The following FRY variants were observed in gnomAD, a reference collection of about 807,000 sequenced individuals.
FRY encodes FRY microtubule binding protein.
Under a neutral mutation model 348.4 loss-of-function variants are expected in FRY, and 128 were observed. The observed-to-expected ratio is 0.37, with a 90% CI of 0.32 to 0.43. The LOEUF is 0.43. FRY is among the 20% of genes least tolerant of loss of function. The probability of loss-of-function intolerance (pLI) is 1.00; values close to 1 mark genes in which losing one functional copy is unlikely to be tolerated. For synonymous variants in FRY, 1,370 were observed against 1,374.7 expected, an observed-to-expected ratio of 1.00 and a Z score of 0.08; for missense variants, 2,736 against 3,695.2, an observed-to-expected ratio of 0.74 and a Z score of 6.73.
chr13:32,180,092 T>A (rs1351281879), intron 23 of FRY, among the ~76,000 whole-genome samples: 2 of 152,234 alleles, frequency 1.3e-5, no homozygotes, highest in African/African-American at 4.8e-5. Flanking sequence ...TCAATCCCAG[T>A]TGGCCAGACT....
chr13:32,055,133 T>C (rs6561090), intron 1 of FRY, among the ~76,000 whole-genome samples: 2,095 of 152,202 alleles, frequency 0.014, 49 homozygotes, highest in African/African-American at 0.048. Context: ...TGAAGCCTCC[T>C]TCCTGGGTTT....
intron 55 of FRY, among the ~76,000 whole-genome samples, chr13:32,273,521 C>T (rs1888327002): frequency 6.6e-6 from 1 of 152,196 alleles, no homozygotes; most frequent in Non-Finnish European, 1.5e-5. Context: ...CGCGCCCGGC[C>T]TAACTGTTCT....
chr13:32,264,468 A>C (rs1358231441), intron 53 of FRY, among the ~76,000 whole-genome samples: 1 of 152,094 alleles, frequency 6.6e-6, no homozygotes, highest in African/African-American at 2.4e-5. Flanking sequence ...ATTCATATAC[A>C]CTTCTATTTT....
intron 17 of FRY, among the ~76,000 whole-genome samples, chr13:32,167,175 C>T (rs1881790717): frequency 6.6e-6 from 1 of 152,190 alleles, no homozygotes; most frequent in South Asian, 2.1e-4. Context: ...TGGCTTTCGT[C>T]CTTGGTGCTT....
chr13:32,072,175 T>G (rs1874702355), intron 1 of FRY, among the ~76,000 whole-genome samples: 1 of 152,194 alleles, frequency 6.6e-6, no homozygotes, highest in Non-Finnish European at 1.5e-5. Context: ...TGTAGGAGAA[T>G]TAAAGTGTAA....
chr13:32,284,646 A>G (rs1007611946), intron 58 of FRY, among the ~76,000 whole-genome samples: 1 of 152,252 alleles, frequency 6.6e-6, no homozygotes, highest in Non-Finnish European at 1.5e-5. Context: ...ATAGCCATCA[A>G]TGTGCCAGGC....
At chr13:32,073,851 C>T (rs776336743) in intron 1 of FRY, among the ~76,000 whole-genome samples, 7 of 152,130 alleles carry the variant, frequency 4.6e-5, no homozygotes, top group South Asian at 4.1e-4. Context: ...TATATGAGGA[C>T]GCTCATTTCA....
At chr13:32,182,780 A>G (rs185093164) in intron 23 of FRY, among the ~76,000 whole-genome samples, 197 bp from the exon 24 acceptor site, 17 of 152,350 alleles carry the variant, frequency 1.1e-4, no homozygotes, top group Non-Finnish European at 5.9e-5. Flanking sequence ...TGGAATTAAG[A>G]CCAGTAATAC....
Position 32,166,106 on chromosome 13 carries a change from G to C in FRY, c.1892+4855G>C, listed in dbSNP as rs569844635. 1.2e-4 allele frequency among the ~76,000 whole-genome samples: 18 copies of C among 152,310 alleles called. 1 individual carries two copies. The East Asian group carries it at 3.3e-3, about 28-fold the overall frequency. ...GCTCCTGATCCCAGCTGCCTGGGAG[G>C]GGCAGCTGCAACTGGTATTGGCAAC... On this transcript the variant is annotated intron_variant, in intron 17 of 60. Transcript: ENST00000542859.
chr13:32,268,534 A>G (rs1319850588), intron 55 of FRY, among the ~76,000 whole-genome samples: 1 of 133,570 alleles, frequency 7.5e-6, no homozygotes, highest in Non-Finnish European at 1.6e-5. Context: ...ATATATATAT[A>G]TATATCTAGA....
chr13:32,219,482 G>A (rs1885196701), intron 36 of FRY, among the ~76,000 whole-genome samples: 1 of 150,050 alleles, frequency 6.7e-6, no homozygotes, highest in African/African-American at 2.4e-5. Flanking sequence ...TTGTTGGCTG[G>A]GCGCGGTGGC....
intron 11 of FRY, among the ~76,000 whole-genome samples, chr13:32,138,873 A>G (rs1879884346): frequency 6.6e-6 from 1 of 152,212 alleles, no homozygotes; most frequent in African/African-American, 2.4e-5. Flanking sequence ...AAAATGCGTG[A>G]TGCAGACAGT....
At chr13:32,232,961 A>G in intron 41 of FRY, among the ~76,000 whole-genome samples, 1 of 152,186 alleles carries the variant, frequency 6.6e-6, no homozygotes, top group East Asian at 1.9e-4. Flanking sequence ...ATCTCCACAC[A>G]TAAAATCACA....
At chr13:32,228,289 AG>A (rs1296792930) in intron 39 of FRY, among the ~76,000 whole-genome samples, 166 bp from the exon 40 acceptor site, 2 of 152,216 alleles carry the variant, frequency 1.3e-5, no homozygotes, top group Admixed American at 1.3e-4. Context: ...TCCTAAACAA[AG>A]AAAAACTGTC....
intron 49 of FRY, among the ~76,000 whole-genome samples, chr13:32,250,125 C>T (rs1459215395): frequency 2.0e-5 from 3 of 152,214 alleles, no homozygotes; most frequent in Non-Finnish European, 4.4e-5. Flanking sequence ...GGCACCTCAA[C>T]CATGGTGTCC....
chr13:32,294,293 C>CG (rs1555277490), intron 59 of FRY, 75 bp from the exon 60 acceptor site: 3 of 1,004,748 alleles, frequency 3.0e-6, no homozygotes, highest in Non-Finnish European at 4.6e-6. Context: ...CCATAAGATC[C>CG]TTTTTTTTTC....
chr13:32,032,939 T>A (rs1593546673), intron 1 of FRY, among the ~76,000 whole-genome samples: 1 of 152,216 alleles, frequency 6.6e-6, no homozygotes, highest in Admixed American at 6.5e-5. Flanking sequence ...ATTGTTCTTA[T>A]ATAAACAAAA....
intron 23 of FRY, among the ~76,000 whole-genome samples, chr13:32,181,523 G>A (rs1401796475): frequency 6.8e-6 from 1 of 148,050 alleles, no homozygotes; most frequent in Non-Finnish European, 1.5e-5. Flanking sequence ...GAACCCGGGA[G>A]GCAGAGGTTG....
rs1420761951 is a variant in FRY at position 32,182,984 on chromosome 13, G to A, written c.3004G>A (p.Val1002Ile). Residue 1002 changes from valine to isoleucine, a missense_variant, in exon 24 of 61, where the codon GTA becomes ATA. Physicochemically the swap from Val to Ile is conservative, Grantham distance 29. Coordinates refer to ENST00000542859, the MANE Select transcript of FRY (RefSeq NM_023037.3). ...RTNSLVFREL[V>I]EELHPLMKEA... The stretch of plus-strand genomic sequence containing the variant: ...GACCTTTTTCCTCCACAGAGAATTG[G>A]TAGAAGAACTTCATCCATTAATGAA... 5.0e-6 allele frequency: 8 copies of A among 1,601,266 alleles called. No individual in the cohort carries two copies. The African/African-American group carries it at 9.4e-5, about 19-fold the overall frequency.
Sources: allele counts gnomAD v4.1 joint callset (sites outside exome capture counted in the v4.1 genomes callset), GRCh38; gene constraint gnomAD v4.1.1; transcripts MANE v1.5; gene names NCBI Gene and HGNC (gene_info 2026-07-23, HGNC 2026-07-21).